Variants in PSMB7 observed in about 807,000 individuals in gnomAD.
PSMB7 encodes the protein proteasome 20S subunit beta 7.
Under a neutral mutation model 28.1 loss-of-function variants are expected in PSMB7, and 5 were observed. The observed-to-expected ratio is 0.18, with a 90% CI of 0.09 to 0.37. PSMB7 has a LOEUF of 0.37. Ranked by LOEUF, PSMB7 falls within the 10% of genes least tolerant of loss-of-function variation. The pLI is 1.00. For synonymous variants in PSMB7, 122 were observed against 123.7 expected, an observed-to-expected ratio of 0.99 and a Z score of 0.09; for missense variants, 275 against 346.2, an observed-to-expected ratio of 0.79 and a Z score of 1.63.
Position 124,353,721 on chromosome 9 carries a change from A to G in PSMB7, c.723-12T>C, listed in dbSNP as rs1564672946. The G allele has an allele frequency of 6.3e-7, 1 of 1,580,980 alleles. No homozygotes were observed. Among genetic ancestry groups the G allele is most frequent in the Admixed American group, 1.7e-5 (1 of 59,962 alleles). On this transcript the variant is annotated splice_polypyrimidine_tract_variant and intron_variant, in intron 7 of 7. Transcript: ENST00000259457. ...TGTACCGGCCAAGCCTAGTAAGAGA[A>G]AAACAAAAGCACAGAGTTAGGATTC...
At chr9:124,358,802 T>C (rs1280307030) in intron 6 of PSMB7, among the ~76,000 whole-genome samples, 1 of 152,268 alleles carries the variant, frequency 6.6e-6, no homozygotes, top group African/African-American at 2.4e-5. Context: ...TTGTTTCTTA[T>C]CACTGCTGCT....
chr9:124,409,879 T>C lies in PSMB7; in HGVS notation c.395+2473A>G, dbSNP rs149146680. Among the ~76,000 whole-genome samples, 732 of 152,346 alleles carry C rather than the reference T, an allele frequency of 4.8e-3. 6 individuals are homozygous for C. The highest frequency in any genetic ancestry group is 0.017 in the African/African-American group (697 of 41,588). On this transcript the variant is annotated intron_variant, in intron 4 of 7. Coordinates refer to ENST00000259457, the MANE Select transcript of PSMB7 (RefSeq NM_002799.4). ...ATTTTATGTAACTCACCAAAAATGT[T>C]AAGAGGACATAAAAGACTATAATTA...
chr9:124,412,253 C>T, intron 4 of PSMB7, 99 bp downstream of exon 4: 1 of 1,198,298 alleles, frequency 8.3e-7, no homozygotes, highest in Non-Finnish European at 1.2e-6. Context: ...ATGTGTATTT[C>T]TGAATGTGTT....
intron 6 of PSMB7, among the ~76,000 whole-genome samples, chr9:124,372,893 G>A (rs935264349): frequency 2.0e-5 from 3 of 152,200 alleles, no homozygotes; most frequent in Admixed American, 6.5e-5. Context: ...AACCCTGTAT[G>A]GTAGGAAGCA....
chr9:124,353,567 A>C lies in PSMB7; in HGVS notation c.*31T>G. 6.7e-7 allele frequency: 1 copy of C among 1,499,392 alleles called. No individual in the cohort carries two copies. Among genetic ancestry groups the C allele is most frequent in the Non-Finnish European group, 9.3e-7 (1 of 1,076,406 alleles). The allele number at this position is 1,499,392 out of a possible 1,614,324, so 92.9% of individuals were successfully genotyped here. On this transcript the variant is annotated 3_prime_UTR_variant, in exon 8 of 8. Coordinates refer to ENST00000259457, the MANE Select transcript of PSMB7 (RefSeq NM_002799.4). The stretch of plus-strand genomic sequence containing the variant: ...TGGGCCTCAATGCTCACCACCTTCC[A>C]GAACCGCGGCCAGCCACCCACTGAT...
chr9:124,408,057 G>A (rs1461184869), intron 4 of PSMB7, among the ~76,000 whole-genome samples: 1 of 152,116 alleles, frequency 6.6e-6, no homozygotes, highest in Non-Finnish European at 1.5e-5. Context: ...CAGCTACTCA[G>A]GAGGCTGAGG....
intron 6 of PSMB7, among the ~76,000 whole-genome samples, chr9:124,360,224 A>G (rs988341636): frequency 1.3e-5 from 2 of 152,276 alleles, no homozygotes; most frequent in African/African-American, 4.8e-5. Flanking sequence ...CTATCAAGAA[A>G]AACCACAAAC....
At chr9:124,407,864 A>G (rs1358481618) in intron 4 of PSMB7, among the ~76,000 whole-genome samples, 3 of 152,158 alleles carry the variant, frequency 2.0e-5, no homozygotes, top group African/African-American at 7.2e-5. Context: ...AAATCATGCT[A>G]AGCCGAGTGT....
At chr9:124,375,921 T>C (rs991127865) in intron 6 of PSMB7, among the ~76,000 whole-genome samples, 8 of 152,154 alleles carry the variant, frequency 5.3e-5, no homozygotes, top group Non-Finnish European at 8.8e-5. Flanking sequence ...CTGGTGGGAT[T>C]AGCCAGCAGC....
intron 5 of PSMB7, among the ~76,000 whole-genome samples, chr9:124,395,144 A>G (rs144876089): frequency 1.3e-5 from 2 of 152,364 alleles, no homozygotes; most frequent in African/African-American, 4.8e-5. Flanking sequence ...GCATTACAGA[A>G]GAAATCAATG....
intron 6 of PSMB7, among the ~76,000 whole-genome samples, chr9:124,366,673 G>A (rs1345229164): frequency 6.6e-6 from 1 of 152,172 alleles, no homozygotes; most frequent in Admixed American, 6.5e-5. Flanking sequence ...GACTCACCCA[G>A]AGCAATTTCT....
intron 6 of PSMB7, among the ~76,000 whole-genome samples, chr9:124,358,580 G>A (rs1053576389): frequency 6.6e-5 from 10 of 152,192 alleles, no homozygotes; most frequent in East Asian, 3.9e-4. Flanking sequence ...CCTCTTAGAC[G>A]AGGAGCTGGC....
intron 6 of PSMB7, among the ~76,000 whole-genome samples, chr9:124,383,231 A>G (rs1047246861): frequency 1.3e-5 from 2 of 152,232 alleles, no homozygotes; most frequent in African/African-American, 4.8e-5. Context: ...TCACATTGAG[A>G]AATGAGAACA....
chr9:124,392,810 A>AG (rs1447875944), intron 5 of PSMB7, among the ~76,000 whole-genome samples: 1 of 152,204 alleles, frequency 6.6e-6, no homozygotes, highest in Admixed American at 6.5e-5. Context: ...AGATCGTCTC[A>AG]GGAAAAAAAG....
intron 6 of PSMB7, among the ~76,000 whole-genome samples, chr9:124,363,019 G>C (rs1830477102): frequency 6.6e-6 from 1 of 152,192 alleles, no homozygotes. Context: ...AAAGAGAGAG[G>C]ATGAAAATTC....
rs150588064 is a variant in PSMB7 at position 124,356,821 on chromosome 9, C to G, written c.665G>C (p.Ser222Thr). ...SGSNIDLCVI[S>T]KNKLDFLRPY... is the part of the protein sequence containing the mutation. Reference sequence around the variant, plus strand: ...GCGGAGAAAATCCAGCTTGTTCTTGCTGATGACGCAGAGGTCAATGTTGCT... The same window carrying G: ...GCGGAGAAAATCCAGCTTGTTCTTGGTGATGACGCAGAGGTCAATGTTGCT... Residue 222 changes from serine (S) to threonine (T), a missense_variant, in exon 7 of 8, where the codon AGC becomes ACC. By Grantham distance (58) the Ser-to-Thr change is moderately conservative. This residue lies in a region of PSMB7 where 213 missense variants were observed against 302.4 expected (regional missense o/e 0.70). Coordinates refer to ENST00000259457, the MANE Select transcript of PSMB7 (RefSeq NM_002799.4). The surrounding 1 kb of genome is among the most constrained non-coding windows in gnomAD (Gnocchi z 4.4). 2 of 1,614,148 alleles carry G rather than the reference C, an allele frequency of 1.2e-6. No individual in the cohort carries two copies. The highest frequency in any genetic ancestry group is 3.3e-5 in the Admixed American group (2 of 60,018).
chr9:124,376,777 G>C (rs987392803), intron 6 of PSMB7, among the ~76,000 whole-genome samples: 1 of 152,210 alleles, frequency 6.6e-6, no homozygotes. Flanking sequence ...CCCATCGGAG[G>C]GCTCTAACGT....
At chr9:124,397,828 G>A (rs1397496168) in intron 5 of PSMB7, among the ~76,000 whole-genome samples, 1 of 152,228 alleles carries the variant, frequency 6.6e-6, no homozygotes, top group African/African-American at 2.4e-5. Context: ...TTTATCTGGA[G>A]TGTGAGGTTT....
intron 3 of PSMB7, 48 bp downstream of exon 3, chr9:124,413,860 C>G (rs1375671657): frequency 7.4e-7 from 1 of 1,358,840 alleles, no homozygotes; most frequent in Non-Finnish European, 1.0e-6. Context: ...ATTTTTAGCC[C>G]TGACATGTTT....
Sources: allele counts gnomAD v4.1 joint callset (sites outside exome capture counted in the v4.1 genomes callset), GRCh38; gene constraint gnomAD v4.1.1; regional missense constraint gnomAD v4.1.1; non-coding constraint Gnocchi (gnomAD v3.1); transcripts MANE v1.5; gene names NCBI Gene and HGNC (gene_info 2026-07-23, HGNC 2026-07-21).